Variants in PARP12 observed in about 807,000 individuals in gnomAD.
PARP12 encodes protein mono-ADP-ribosyltransferase PARP12.
PARP12 carries 59 observed loss-of-function variants against 72.4 expected under a neutral mutation model. The observed-to-expected ratio is 0.81, with a 90% CI of 0.66 to 1.01. PARP12 has a LOEUF of 1.01. PARP12 is among the 50% of genes least tolerant of loss of function. PARP12 has a pLI of 0.00. For synonymous variants in PARP12, 403 were observed against 371.4 expected, an observed-to-expected ratio of 1.09 and a Z score of -0.98; for missense variants, 851 against 914.0, an observed-to-expected ratio of 0.93 and a Z score of 0.89.
At chr7:140,028,912 T>G (rs41275030) in intron 8 of PARP12, 14 of 378,646 alleles carry the variant, frequency 3.7e-5, no homozygotes, top group Non-Finnish European at 6.9e-5. Flanking sequence ...AGAGATCTAT[T>G]TCTCGCCTGT....
intron 4 of PARP12, among the ~76,000 whole-genome samples, chr7:140,048,043 ACT>A (rs1816807470): frequency 6.6e-6 from 1 of 151,848 alleles, no homozygotes; most frequent in Non-Finnish European, 1.5e-5. Flanking sequence ...CCTCAATATC[ACT>A]CTCTGTGTGG....
At chr7:140,048,433 T>C (rs1421480971) in intron 4 of PARP12, among the ~76,000 whole-genome samples, 1 of 151,938 alleles carries the variant, frequency 6.6e-6, no homozygotes, top group Non-Finnish European at 1.5e-5. Context: ...TTCTGCTATA[T>C]CCACACAGAG....
chr7:140,043,112 T>C (rs967909129), intron 5 of PARP12, among the ~76,000 whole-genome samples: 2 of 152,186 alleles, frequency 1.3e-5, no homozygotes, highest in African/African-American at 4.8e-5. Flanking sequence ...GAGAATGGCA[T>C]GAACCCAGGA....
Position 140,032,335 on chromosome 7 carries a change from T to C in PARP12, c.1421+1900A>G, listed in dbSNP as rs141120809. On this transcript the variant is annotated intron_variant, in intron 8 of 11. Transcript: ENST00000263549. ...TGACCTAACAGTCGACCTCCAAAAT[T>C]TGTTTTTTTTAATTAAAAAAAAAAA... Among the ~76,000 whole-genome samples, 766 of 151,738 alleles carry C rather than the reference T, an allele frequency of 5.0e-3. 3 individuals carry two copies. Among genetic ancestry groups the C allele is most frequent in the African/African-American group, 0.017 (716 of 41,162 alleles).
In PARP12 at chr7:140,024,493, A is replaced by G; in HGVS notation, c.*67T>C. The stretch of plus-strand genomic sequence containing the variant: ...TCATTAAAAGTTTCTGTTTAAAAAG[A>G]AAAGGAAAGGCCCAAATAGCCATTT... On this transcript the variant is annotated 3_prime_UTR_variant, in exon 12 of 12. Coordinates refer to ENST00000263549, the MANE Select transcript of PARP12 (RefSeq NM_022750.4). The G allele has an allele frequency of 6.6e-7, 1 of 1,514,912 alleles. No homozygotes were observed. The highest frequency in any genetic ancestry group is 9.1e-7 in the Non-Finnish European group (1 of 1,098,024). 93.8% of individuals were successfully genotyped at this position (1,514,912 alleles called of 1,614,324 possible).
chr7:140,029,349 A>C (rs565705697), intron 8 of PARP12, among the ~76,000 whole-genome samples: 1 of 152,376 alleles, frequency 6.6e-6, no homozygotes, highest in East Asian at 1.9e-4. Flanking sequence ...ATATGGATCA[A>C]GGGTTCAGGA....
intron 9 of PARP12, among the ~76,000 whole-genome samples, 160 bp downstream of exon 9, chr7:140,028,453 A>C (rs1274966666): frequency 6.6e-6 from 1 of 152,168 alleles, no homozygotes; most frequent in East Asian, 1.9e-4. Context: ...TCTGCAAAAA[A>C]CAAAAACAAA....
At chr7:140,033,702 G>A (rs1816033971) in intron 8 of PARP12, 2 of 988,686 alleles carry the variant, frequency 2.0e-6, no homozygotes, top group Non-Finnish European at 2.4e-6. Flanking sequence ...CTCCCTTCTA[G>A]GGGCTCACAG....
chr7:140,030,605 A>ACATACATACATGCATACATACATG (rs142926492), intron 8 of PARP12, among the ~76,000 whole-genome samples: 1 of 152,062 alleles, frequency 6.6e-6, no homozygotes, highest in African/African-American at 2.4e-5. Context: ...CAAAATACAT[A>ACATACATACATGCATACATACATG]CATACATACA....
chr7:140,041,529 TG>T, intron 6 of PARP12, 114 bp downstream of exon 6: 1 of 1,056,824 alleles, frequency 9.5e-7, no homozygotes, highest in Non-Finnish European at 1.4e-6. Flanking sequence ...CACTGGCACC[TG>T]GGGATCCTCA....
chr7:140,041,062 C>T (rs2116580286), intron 6 of PARP12, among the ~76,000 whole-genome samples: 1 of 152,350 alleles, frequency 6.6e-6, no homozygotes, highest in South Asian at 2.1e-4. Context: ...GCCACCACGC[C>T]CGGCCTAAAC....
At chr7:140,024,942 G>T in intron 11 of PARP12, 57 bp from the exon 12 acceptor site, 2 of 1,524,220 alleles carry the variant, frequency 1.3e-6, no homozygotes, top group South Asian at 1.2e-5. Context: ...GGAAGGGTCA[G>T]CACACTGCGA....
intron 4 of PARP12, 68 bp downstream of exon 4, chr7:140,054,594 C>T: frequency 1.5e-6 from 2 of 1,350,026 alleles, no homozygotes; most frequent in Admixed American, 1.7e-5. Flanking sequence ...GACTTCAGAG[C>T]ACAGCTCTGG....
In PARP12 at chr7:140,024,239, T is replaced by C. The variant is rs1815633276; in HGVS notation, c.*321A>G. On this transcript the variant is annotated 3_prime_UTR_variant, in exon 12 of 12. Transcript: ENST00000263549. ...ACAAACTCATAAAAATTAAAACCAA[T>C]CCATAAAATTGTATCTAGAAACTCT... 2.8e-6 allele frequency: 1 copy of C among 360,982 alleles called. No homozygotes were observed. Among genetic ancestry groups the C allele is most frequent in the Non-Finnish European group, 5.3e-6 (1 of 188,554 alleles). 22.4% of individuals were successfully genotyped at this position (360,982 alleles called of 1,614,324 possible).
At chr7:140,043,064 G>C (rs763555545) in intron 5 of PARP12, among the ~76,000 whole-genome samples, 1 of 152,062 alleles carries the variant, frequency 6.6e-6, no homozygotes, top group Non-Finnish European at 1.5e-5. Context: ...AGTGGTGGCG[G>C]GCACCTGTAG....
In PARP12 at chr7:140,024,475, A is replaced by C. The variant is rs1389750046; in HGVS notation, c.*85T>G. The C allele has an allele frequency of 7.5e-7, 1 of 1,335,444 alleles. No homozygotes were observed. Among genetic ancestry groups the C allele is most frequent in the Admixed American group, 1.9e-5 (1 of 52,664 alleles). 82.7% of individuals were successfully genotyped at this position (1,335,444 alleles called of 1,614,324 possible). A position where few individuals can be genotyped will look rare whatever the true frequency, so the allele number is the denominator to read the frequency against. On this transcript the variant is annotated 3_prime_UTR_variant, in exon 12 of 12. Coordinates refer to ENST00000263549, the MANE Select transcript of PARP12 (RefSeq NM_022750.4). ...CAATGTTAAGAGAACAGTTCATTAAAAGTTTCTGTTTAAAAAGAAAAGGAA... is the reference window on the plus strand; with the variant it reads ...CAATGTTAAGAGAACAGTTCATTAACAGTTTCTGTTTAAAAAGAAAAGGAA...
chr7:140,040,954 G>T (rs1816442149), intron 6 of PARP12, among the ~76,000 whole-genome samples: 2 of 152,156 alleles, frequency 1.3e-5, no homozygotes, highest in African/African-American at 4.8e-5. Flanking sequence ...TTTTAGTAGA[G>T]ATGGGGTTTC....
rs376000340 is a variant in PARP12 at position 140,028,601 on chromosome 7, T to A, written c.1497+12A>T. On this transcript the variant is annotated intron_variant, in intron 9 of 11. Transcript: ENST00000263549. ...ACCTTCCTGTCCAGCCCCAGGCGCA[T>A]GCGTCCCCTACCTGAAAGCCTGGGT... The A allele has an allele frequency of 6.3e-7, 1 of 1,575,874 alleles. No individual in the cohort carries two copies. The highest frequency in any genetic ancestry group is 2.3e-5 in the East Asian group (1 of 43,172).
intron 3 of PARP12, among the ~76,000 whole-genome samples, chr7:140,056,582 G>C (rs962592817): frequency 1.3e-5 from 2 of 152,168 alleles, no homozygotes; most frequent in Non-Finnish European, 2.9e-5. Context: ...TCCCATTTCA[G>C]TGCAGACTAG....
Sources: gnomAD v4.1 joint callset for allele counts (sites outside exome capture counted in the v4.1 genomes callset) on GRCh38, gnomAD v4.1.1 for gene constraint, MANE v1.5 for transcripts, NCBI Gene and HGNC (gene_info 2026-07-23, HGNC 2026-07-21) for gene names.